Variants in ROBO2 observed in about 807,000 individuals in gnomAD.
ROBO2 encodes the protein roundabout homolog 2.
ROBO2 carries 53 observed loss-of-function variants against 160.8 expected under a neutral mutation model. The ratio of observed to expected loss-of-function variants is 0.33; its 90% confidence interval spans 0.26 to 0.41. The LOEUF is 0.41. Ranked by LOEUF, ROBO2 falls within the 10% of genes least tolerant of loss-of-function variation. The pLI is 1.00. For missense variants in ROBO2, 1,577 were observed against 1,722.4 expected (o/e 0.92, Z 1.49); for synonymous variants, 664 against 611.7 (o/e 1.09, Z -1.26).
intron 2 of ROBO2, among the ~76,000 whole-genome samples, chr3:76,320,872 T>C (rs2072460154): frequency 1.3e-5 from 2 of 152,184 alleles, no homozygotes; most frequent in Admixed American, 1.3e-4. Context: ...TGGAGGCTCC[T>C]AAAGATGTTA....
intron 6 of ROBO2, among the ~76,000 whole-genome samples, chr3:77,541,194 G>T (rs1191882518): frequency 6.6e-6 from 1 of 152,160 alleles, no homozygotes; most frequent in African/African-American, 2.4e-5. Context: ...CGTAGCTGTT[G>T]CATGACTCTC....
chr3:77,473,391 A>C (rs1410270264), intron 2 of ROBO2, among the ~76,000 whole-genome samples: 1 of 149,034 alleles, frequency 6.7e-6, no homozygotes, highest in Admixed American at 6.7e-5. Context: ...CACCCGTGCA[A>C]GCTTCCGGCT....
At chr3:77,209,613 T>A (rs115726145) in intron 2 of ROBO2, among the ~76,000 whole-genome samples, 171 of 152,096 alleles carry the variant, frequency 1.1e-3, no homozygotes, top group African/African-American at 3.9e-3. Flanking sequence ...CGAGGCAAAT[T>A]AATATAGTGG....
At chr3:77,509,285 C>T (rs778227461) in intron 5 of ROBO2, among the ~76,000 whole-genome samples, 5 of 151,954 alleles carry the variant, frequency 3.3e-5, no homozygotes, top group Admixed American at 1.3e-4. Flanking sequence ...AATTTCTGTC[C>T]TGACTTCAGC....
exon 9 of ROBO2, chr3:77,558,108 A>C (rs779487034): frequency 6.2e-7 from 1 of 1,613,196 alleles, no homozygotes; most frequent in Non-Finnish European, 8.5e-7. Context: ...TCCAAGAGCA[A>C]CAATTCAAGA....
chr3:76,473,644 A>T (rs1047875715), intron 2 of ROBO2, among the ~76,000 whole-genome samples: 1 of 152,168 alleles, frequency 6.6e-6, no homozygotes, highest in Non-Finnish European at 1.5e-5. Context: ...GATAGAGGTG[A>T]TGCCTTTCAG....
At chr3:76,848,892 T>C (rs574936925) in intron 2 of ROBO2, among the ~76,000 whole-genome samples, 2 of 152,330 alleles carry the variant, frequency 1.3e-5, no homozygotes, top group Non-Finnish European at 2.9e-5. Context: ...TAGTTTTTAT[T>C]AGAAGCATGC....
At chr3:76,344,014 A>T (rs1178363373) in intron 2 of ROBO2, among the ~76,000 whole-genome samples, 1 of 152,108 alleles carries the variant, frequency 6.6e-6, no homozygotes, top group Non-Finnish European at 1.5e-5. Flanking sequence ...GTTTTTCCCC[A>T]TTCCTTTCCA....
intron 2 of ROBO2, among the ~76,000 whole-genome samples, chr3:76,591,028 C>T (rs2086383789): frequency 2.6e-5 from 4 of 151,950 alleles, no homozygotes; most frequent in Admixed American, 2.6e-4. Context: ...TTGGGGTTGC[C>T]TACTCCCCAC....
intron 2 of ROBO2, among the ~76,000 whole-genome samples, chr3:76,804,697 G>C (rs1198353808): frequency 1.3e-5 from 2 of 152,154 alleles, no homozygotes; most frequent in Non-Finnish European, 2.9e-5. Flanking sequence ...TTTAGACTGA[G>C]TATAATAATA....
chr3:77,645,011 T>C (rs2095398150), intron 25 of ROBO2, 107 bp downstream of exon 27: 3 of 1,174,144 alleles, frequency 2.6e-6, no homozygotes, highest in African/African-American at 1.5e-5. Flanking sequence ...CTTGCTCTGT[T>C]ACAAAAACAA....
chr3:77,044,509 C>T (rs1434481113), intron 1 of ROBO2, among the ~76,000 whole-genome samples: 1 of 152,034 alleles, frequency 6.6e-6, no homozygotes, highest in African/African-American at 2.4e-5. Context: ...TTCTTCTTCT[C>T]ATTCATCGTC....
intron 2 of ROBO2, among the ~76,000 whole-genome samples, chr3:77,000,070 T>C (rs1419082328): frequency 6.6e-6 from 1 of 152,048 alleles, no homozygotes; most frequent in Non-Finnish European, 1.5e-5. Flanking sequence ...CACTTCAACC[T>C]GAGTCGAGAT....
chr3:77,548,408 C>T (rs2092785174), intron 7 of ROBO2, among the ~76,000 whole-genome samples: 1 of 152,028 alleles, frequency 6.6e-6, no homozygotes, highest in Non-Finnish European at 1.5e-5. Flanking sequence ...TCATTGCATA[C>T]TCACACTTTA....
At chr3:77,068,539 C>G (rs1331495029) in intron 1 of ROBO2, among the ~76,000 whole-genome samples, 3 of 152,054 alleles carry the variant, frequency 2.0e-5, no homozygotes, top group Non-Finnish European at 1.5e-5. Flanking sequence ...ACTCTTATCT[C>G]TCACTAACTT....
chr3:76,360,663 AC>A (rs1261013142), intron 2 of ROBO2, among the ~76,000 whole-genome samples: 1 of 152,100 alleles, frequency 6.6e-6, no homozygotes, highest in Non-Finnish European at 1.5e-5. Context: ...CACCTTGTTA[AC>A]ATTTTTAAAG....
At chr3:77,544,477 G>A (rs773420131) in intron 6 of ROBO2, among the ~76,000 whole-genome samples, 3 of 152,068 alleles carry the variant, frequency 2.0e-5, no homozygotes, top group Non-Finnish European at 4.4e-5. Flanking sequence ...TGGGTTATGC[G>A]TTAGATGCGT....
intron 2 of ROBO2, among the ~76,000 whole-genome samples, chr3:76,994,311 G>T (rs961784254): frequency 1.3e-5 from 2 of 152,066 alleles, no homozygotes; most frequent in African/African-American, 4.8e-5. Flanking sequence ...TTGTGTACTG[G>T]CTTGTGAACT....
At chr3:76,335,334 C>T (rs1217748869) in intron 2 of ROBO2, among the ~76,000 whole-genome samples, 1 of 151,424 alleles carries the variant, frequency 6.6e-6, no homozygotes, top group East Asian at 2.0e-4. Flanking sequence ...GTGTGTGCCA[C>T]CACGCCTGGT....
Sources: allele counts gnomAD v4.1 joint callset (sites outside exome capture counted in the v4.1 genomes callset), GRCh38; gene constraint gnomAD v4.1.1; transcripts MANE v1.5; gene names NCBI Gene and HGNC (gene_info 2026-07-23, HGNC 2026-07-21).